Variants in MYO1D observed in about 807,000 individuals in gnomAD.
MYO1D encodes myosin ID, also known as unconventional myosin-Id.
In MYO1D, 83 loss-of-function variants were observed where a neutral mutation model predicts 122.0. The ratio of observed to expected loss-of-function variants is 0.68; its 90% CI spans 0.57 to 0.82. The LOEUF (loss-of-function observed/expected upper bound fraction) is 0.82. MYO1D is among the 40% of genes least tolerant of loss of function. MYO1D has a pLI of 0.00. For missense variants in MYO1D, 1,157 were observed against 1,269.5 expected (o/e 0.91, Z 1.35); for synonymous variants, 464 against 446.9 (o/e 1.04, Z -0.48).
intron 21 of MYO1D, among the ~76,000 whole-genome samples, chr17:32,540,018 C>A (rs1910788028): frequency 6.6e-6 from 1 of 151,900 alleles, no homozygotes; most frequent in Non-Finnish European, 1.5e-5. Context: ...TCGTCAAGAT[C>A]AAAAACTTTT....
intron 1 of MYO1D, among the ~76,000 whole-genome samples, chr17:32,797,168 A>T (rs1408365754): frequency 6.6e-6 from 1 of 152,122 alleles, no homozygotes. Flanking sequence ...ATGGGGTTTC[A>T]CCATGTTGGT....
intron 21 of MYO1D, among the ~76,000 whole-genome samples, chr17:32,553,692 T>C (rs2087043150): frequency 6.6e-6 from 1 of 152,216 alleles, no homozygotes. Flanking sequence ...TCCTGTTTAC[T>C]TATTTCTCCT....
intron 21 of MYO1D, among the ~76,000 whole-genome samples, chr17:32,599,115 G>T (rs2087531447): frequency 6.6e-6 from 1 of 152,178 alleles, no homozygotes; most frequent in Admixed American, 6.5e-5. Flanking sequence ...ATAGCATGCG[G>T]TGCTGTTTGA....
At chr17:32,806,798 C>G (rs1195800207) in intron 1 of MYO1D, among the ~76,000 whole-genome samples, 1 of 152,200 alleles carries the variant, frequency 6.6e-6, no homozygotes, top group Non-Finnish European at 1.5e-5. Flanking sequence ...TGTTGCTAGT[C>G]TGTTCCTTGC....
intron 1 of MYO1D, among the ~76,000 whole-genome samples, chr17:32,871,366 TC>T (rs1297078662): frequency 6.6e-6 from 1 of 152,066 alleles, no homozygotes; most frequent in Non-Finnish European, 1.5e-5. Flanking sequence ...GTCTAAAATG[TC>T]TAAAATGTCA....
chr17:32,736,436 G>A (rs540694518), intron 14 of MYO1D, among the ~76,000 whole-genome samples: 1 of 152,258 alleles, frequency 6.6e-6, no homozygotes, highest in Non-Finnish European at 1.5e-5. Flanking sequence ...TCATGGACCA[G>A]GAGGTTGGGT....
At chr17:32,594,182 A>G (rs1270288858) in intron 21 of MYO1D, 1 of 170,038 alleles carries the variant, frequency 5.9e-6, no homozygotes, top group East Asian at 1.6e-4. Context: ...TGCATTCAGT[A>G]CAGACATATT....
chr17:32,609,473 T>A (rs1414646921), intron 20 of MYO1D, among the ~76,000 whole-genome samples: 2 of 152,154 alleles, frequency 1.3e-5, no homozygotes, highest in Non-Finnish European at 2.9e-5. Context: ...ATTAAATAAC[T>A]GAAGAAAAAC....
At chr17:32,828,058 G>C (rs2090738055) in intron 1 of MYO1D, among the ~76,000 whole-genome samples, 1 of 152,184 alleles carries the variant, frequency 6.6e-6, no homozygotes, top group Admixed American at 6.5e-5. Flanking sequence ...GGGAGAGGCT[G>C]AAAGCACAAT....
At chr17:32,597,590 G>A (rs182413104) in intron 21 of MYO1D, among the ~76,000 whole-genome samples, 45 of 152,024 alleles carry the variant, frequency 3.0e-4, no homozygotes, top group South Asian at 1.3e-3. Flanking sequence ...GATATCTTCC[G>A]GTTTAACTTC....
At chr17:32,802,284 C>T (rs543575532) in intron 1 of MYO1D, among the ~76,000 whole-genome samples, 16 of 152,272 alleles carry the variant, frequency 1.1e-4, no homozygotes, top group African/African-American at 2.4e-4. Context: ...AGAAGCAACG[C>T]GTTTATTTAT....
intron 1 of MYO1D, among the ~76,000 whole-genome samples, chr17:32,865,892 A>C (rs1242833339): frequency 1.3e-5 from 2 of 152,224 alleles, no homozygotes; most frequent in Non-Finnish European, 2.9e-5. Context: ...CATCAACTGA[A>C]GTCACTTACT....
At chr17:32,530,430 AG>A (rs1260283592) in intron 21 of MYO1D, among the ~76,000 whole-genome samples, 1 of 152,256 alleles carries the variant, frequency 6.6e-6, no homozygotes, top group Non-Finnish European at 1.5e-5. Flanking sequence ...ACTAAGTGCT[AG>A]TCTAATTCCA....
chr17:32,615,982 A>G (rs2087764406), intron 20 of MYO1D, among the ~76,000 whole-genome samples: 1 of 152,228 alleles, frequency 6.6e-6, no homozygotes, highest in Admixed American at 6.5e-5. Context: ...GCAAAATGCA[A>G]AGAGGCTCTG....
At chr17:32,846,021 G>A (rs964018040) in intron 1 of MYO1D, among the ~76,000 whole-genome samples, 6 of 152,030 alleles carry the variant, frequency 3.9e-5, no homozygotes, top group Non-Finnish European at 2.9e-5. Context: ...AAGGTACAAC[G>A]AAAGCCTGAA....
At chr17:32,668,986 G>C (rs1010450679) in intron 16 of MYO1D, among the ~76,000 whole-genome samples, 2 of 152,114 alleles carry the variant, frequency 1.3e-5, no homozygotes, top group Non-Finnish European at 2.9e-5. Flanking sequence ...ACAGGTGTGA[G>C]CCACTGCGCC....
chr17:32,583,746 G>GT lies in MYO1D; in HGVS notation c.2864+21340dup, dbSNP rs113513489. ...GAGTCTTTTTCTTTGTTTGTTCTTT[G>GT]TTTTTTTTTTTGAGGCAAGGTCTTG... On this transcript the variant is annotated intron_variant, in intron 21 of 21. Coordinates refer to ENST00000318217, the MANE Select transcript of MYO1D (RefSeq NM_015194.3). Among the ~76,000 whole-genome samples, 1,065 of 143,218 alleles carry GT rather than the reference G, an allele frequency of 7.4e-3. 9 individuals carry two copies. Among genetic ancestry groups the GT allele is most frequent in the African/African-American group, 0.019 (747 of 39,416 alleles). The allele number at this position is 143,218 out of a possible 152,430, so 94.0% of individuals were successfully genotyped here.
At chr17:32,553,762 T>G in intron 21 of MYO1D, among the ~76,000 whole-genome samples, 1 of 152,174 alleles carries the variant, frequency 6.6e-6, no homozygotes, top group East Asian at 1.9e-4. Flanking sequence ...TTATTGGCCA[T>G]GTTTTTCTTC....
At chr17:32,796,943 T>C (rs2090421831) in intron 1 of MYO1D, among the ~76,000 whole-genome samples, 1 of 151,992 alleles carries the variant, frequency 6.6e-6, no homozygotes, top group Admixed American at 6.6e-5. Context: ...ATTCAGAAAA[T>C]GACATAAAAC....
Sources: gnomAD v4.1 joint callset for allele counts (sites outside exome capture counted in the v4.1 genomes callset) on GRCh38, gnomAD v4.1.1 for gene constraint, MANE v1.5 for transcripts, NCBI Gene and HGNC (gene_info 2026-07-23, HGNC 2026-07-21) for gene names.